Variants in PTH2R observed in about 807,000 individuals in gnomAD.
The protein encoded by PTH2R is parathyroid hormone 2 receptor.
PTH2R carries 59 observed loss-of-function variants against 60.3 expected under a neutral mutation model. That is an observed-to-expected ratio of 0.98 (90% CI 0.79 to 1.22). The LOEUF (loss-of-function observed/expected upper bound fraction) is 1.22, where lower values mean the gene tolerates loss of function less well. Ranked by LOEUF, PTH2R falls within the 50% of genes most tolerant of loss-of-function variation. The pLI, the probability that PTH2R is intolerant of heterozygous loss-of-function variation, is 0.00. For synonymous variants in PTH2R, 256 were observed against 243.8 expected (o/e 1.05, Z -0.47); for missense variants, 749 against 682.6 (o/e 1.10, Z -1.08).
intron 4 of PTH2R, among the ~76,000 whole-genome samples, chr2:208,438,448 G>C (rs1443444393): frequency 6.6e-6 from 1 of 152,138 alleles, no homozygotes; most frequent in Admixed American, 6.5e-5. Flanking sequence ...TTAGGTGTTG[G>C]TCAAAGTGAC....
At position 208,437,129 on chromosome 2, in the gene PTH2R, G is replaced by A. The variant is rs139534640; in HGVS notation, c.179-408G>A. 1.6e-3 allele frequency among the ~76,000 whole-genome samples: 241 copies of A among 152,278 alleles called. 2 individuals carry two copies. Among genetic ancestry groups the A allele is most frequent in the Non-Finnish European group, 5.1e-4 (35 of 68,032 alleles). ...GTCTTGCGGCTTGCCAGTGAAGTGC[G>A]CTGCTTCAGGTGTTATGATCTTTAA... On this transcript the variant is annotated intron_variant, in intron 2 of 12. Coordinates refer to ENST00000272847, the MANE Select transcript of PTH2R (RefSeq NM_005048.4).
intron 9 of PTH2R, among the ~76,000 whole-genome samples, chr2:208,474,867 T>C (rs1224186152): frequency 1.3e-5 from 2 of 152,206 alleles, no homozygotes; most frequent in Non-Finnish European, 2.9e-5. Flanking sequence ...CCTGTTTGAT[T>C]GATTCTGACA....
chr2:208,476,565 C>T (rs1028382259), intron 9 of PTH2R, among the ~76,000 whole-genome samples: 3 of 151,986 alleles, frequency 2.0e-5, no homozygotes, highest in Non-Finnish European at 4.4e-5. Flanking sequence ...GAGTTTATTA[C>T]CTGTTATGTA....
intron 1 of PTH2R, among the ~76,000 whole-genome samples, chr2:208,360,389 C>T (rs1164355301): frequency 6.6e-6 from 1 of 152,120 alleles, no homozygotes; most frequent in African/African-American, 2.4e-5. Flanking sequence ...ATGAGGGCAG[C>T]GTGCTCCTCG....
chr2:208,408,746 G>A (rs13029415), intron 1 of PTH2R, among the ~76,000 whole-genome samples: 57 of 97,626 alleles, frequency 5.8e-4, no homozygotes, highest in African/African-American at 9.1e-4. Context: ...GAGAAAGAGA[G>A]AGAGAGAGAG....
intron 5 of PTH2R, 43 bp from the exon 6 acceptor site, chr2:208,443,305 T>A: frequency 6.8e-7 from 1 of 1,476,288 alleles, no homozygotes; most frequent in South Asian, 1.4e-5. Context: ...TCCCCCATTT[T>A]TAATTTTATC....
At chr2:208,393,999 G>A (rs1051683287) in intron 1 of PTH2R, among the ~76,000 whole-genome samples, 1 of 152,196 alleles carries the variant, frequency 6.6e-6, no homozygotes, top group Non-Finnish European at 1.5e-5. Context: ...TTAGCTCTGG[G>A]GAACTATTCC....
intron 1 of PTH2R, among the ~76,000 whole-genome samples, chr2:208,418,478 A>G (rs927449015): frequency 9.2e-5 from 14 of 152,250 alleles, no homozygotes; most frequent in African/African-American, 3.4e-4. Context: ...ATGATAATAC[A>G]CCACAAATAT....
At chr2:208,375,174 T>C (rs7573697) in intron 1 of PTH2R, among the ~76,000 whole-genome samples, 28,539 of 152,100 alleles carry the variant, frequency 0.19, 2,901 homozygotes, top group South Asian at 0.26. Flanking sequence ...CTTTGTTTTC[T>C]AGTATCTATT....
intron 1 of PTH2R, among the ~76,000 whole-genome samples, chr2:208,374,373 C>A (rs182722897): frequency 3.2e-4 from 49 of 152,246 alleles, no homozygotes; most frequent in Admixed American, 5.2e-4. Context: ...CTCACATTAA[C>A]TCTGCTTACT....
At chr2:208,396,609 C>T (rs1460740513) in intron 1 of PTH2R, among the ~76,000 whole-genome samples, 2 of 152,150 alleles carry the variant, frequency 1.3e-5, no homozygotes, top group African/African-American at 2.4e-5. Flanking sequence ...CAATGAGATA[C>T]CATCTCATGC....
At chr2:208,452,536 T>C (rs1702426986) in intron 8 of PTH2R, among the ~76,000 whole-genome samples, 1 of 152,188 alleles carries the variant, frequency 6.6e-6, no homozygotes, top group Non-Finnish European at 1.5e-5. Flanking sequence ...CTGGTTCTGC[T>C]GAAGCTAGAG....
chr2:208,434,895 G>A (rs890464181), intron 2 of PTH2R, among the ~76,000 whole-genome samples: 9 of 152,226 alleles, frequency 5.9e-5, no homozygotes, highest in African/African-American at 2.2e-4. Flanking sequence ...GTGGAGCTGT[G>A]CACCAGAAGC....
At chr2:208,476,921 C>G (rs1292745510) in intron 9 of PTH2R, among the ~76,000 whole-genome samples, 5 of 152,170 alleles carry the variant, frequency 3.3e-5, no homozygotes, top group African/African-American at 9.7e-5. Context: ...CCTGGAGACG[C>G]TGCAGAGAAA....
At chr2:208,473,113 T>G (rs1234724744) in intron 9 of PTH2R, among the ~76,000 whole-genome samples, 1 of 152,218 alleles carries the variant, frequency 6.6e-6, no homozygotes. Context: ...TATTGGTCCA[T>G]TTCCAACCCT....
intron 1 of PTH2R, chr2:208,360,956 T>G (rs1293439354): frequency 4.5e-6 from 1 of 224,638 alleles, no homozygotes. Flanking sequence ...AGCACGTTGC[T>G]GGGATGCCAG....
intron 6 of PTH2R, among the ~76,000 whole-genome samples, chr2:208,444,114 T>C (rs1015766278): frequency 1.3e-5 from 2 of 152,212 alleles, no homozygotes; most frequent in Non-Finnish European, 2.9e-5. Context: ...CTTTGCCCTG[T>C]AACTTTATAG....
chr2:208,374,818 A>C (rs1468344897), intron 1 of PTH2R, among the ~76,000 whole-genome samples: 1 of 152,026 alleles, frequency 6.6e-6, no homozygotes, highest in African/African-American at 2.4e-5. Context: ...AATGACATTT[A>C]TTTTTAAAAG....
At chr2:208,410,912 G>A (rs1009602660) in intron 1 of PTH2R, among the ~76,000 whole-genome samples, 6 of 152,162 alleles carry the variant, frequency 3.9e-5, no homozygotes, top group African/African-American at 1.4e-4. Context: ...AAATTGTGGT[G>A]ATAATAAACA....
Sources: allele counts gnomAD v4.1 joint callset (sites outside exome capture counted in the v4.1 genomes callset), GRCh38; gene constraint gnomAD v4.1.1; transcripts MANE v1.5; gene names NCBI Gene and HGNC (gene_info 2026-07-23, HGNC 2026-07-21).